RIN2: variants seen among roughly 807,000 people sequenced by gnomAD.
RIN2 encodes RAB5 interacting protein 2.
RIN2 carries 36 observed loss-of-function variants against 78.0 expected under a neutral mutation model. The ratio of observed to expected loss-of-function variants is 0.46; its 90% CI spans 0.35 to 0.61. The LOEUF (loss-of-function observed/expected upper bound fraction) is 0.61. Ranked by LOEUF, RIN2 falls within the 20% of genes least tolerant of loss-of-function variation. The pLI is 0.00. For missense variants in RIN2, 1,087 were observed against 1,159.7 expected (o/e 0.94, Z 0.91); for synonymous variants, 466 against 466.8 (o/e 1.00, Z 0.02).
At chr20:19,985,963 G>A (rs2042608776) in intron 9 of RIN2, among the ~76,000 whole-genome samples, 1 of 152,304 alleles carries the variant, frequency 6.6e-6, no homozygotes, top group Non-Finnish European at 1.5e-5. Flanking sequence ...TCCCTGGATG[G>A]AGTTTGTCTG....
intron 9 of RIN2, among the ~76,000 whole-genome samples, chr20:19,982,428 C>A (rs1039395725): frequency 2.6e-5 from 4 of 152,094 alleles, no homozygotes; most frequent in Non-Finnish European, 4.4e-5. Flanking sequence ...GCTGTCATGG[C>A]GGCCCTGGTG....
chr20:19,915,663 A>G (rs1419006765), intron 3 of RIN2, among the ~76,000 whole-genome samples: 1 of 152,224 alleles, frequency 6.6e-6, no homozygotes, highest in Non-Finnish European at 1.5e-5. Context: ...TTAGTGACTC[A>G]TCCCCTCAGA....
At chr20:19,792,471 G>A (rs1108388) in intron 1 of RIN2, among the ~76,000 whole-genome samples, 6 of 152,158 alleles carry the variant, frequency 3.9e-5, no homozygotes, top group Admixed American at 3.9e-4. Flanking sequence ...GTAATAGGAT[G>A]TAATGAGTGA....
At chr20:19,979,608 G>GT (rs1013556937) in intron 9 of RIN2, among the ~76,000 whole-genome samples, 18 of 151,770 alleles carry the variant, frequency 1.2e-4, no homozygotes, top group Non-Finnish European at 1.6e-4. Flanking sequence ...TCAGATCTGG[G>GT]TTTTTTTTGT....
At chr20:19,766,447 G>A (rs917337680) in intron 1 of RIN2, among the ~76,000 whole-genome samples, 7 of 152,124 alleles carry the variant, frequency 4.6e-5, no homozygotes, top group African/African-American at 1.7e-4. Context: ...CAGATTCAAG[G>A]TTGGTTCCCA....
At chr20:19,948,054 C>G (rs2041163725) in intron 4 of RIN2, among the ~76,000 whole-genome samples, 1 of 152,200 alleles carries the variant, frequency 6.6e-6, no homozygotes. Context: ...ACCCAGTCAT[C>G]CCAGTGTCTC....
chr20:19,922,865 C>T (rs890130676), intron 3 of RIN2, among the ~76,000 whole-genome samples: 3 of 152,176 alleles, frequency 2.0e-5, no homozygotes, highest in Non-Finnish European at 2.9e-5. Flanking sequence ...ACCTTTCACT[C>T]GCCTGTCTTT....
chr20:19,938,021 C>A (rs993191141), intron 4 of RIN2, among the ~76,000 whole-genome samples: 4 of 152,238 alleles, frequency 2.6e-5, no homozygotes, highest in Non-Finnish European at 5.9e-5. Context: ...CGTCGTCTGC[C>A]ATGGTCCATC....
At chr20:19,910,806 G>A (rs1234479111) in intron 3 of RIN2, among the ~76,000 whole-genome samples, 1 of 150,744 alleles carries the variant, frequency 6.6e-6, no homozygotes, top group African/African-American at 2.4e-5. Context: ...GACCTCAAGT[G>A]ATCCGCCTGC....
At chr20:19,964,874 A>C in intron 6 of RIN2, 78 bp from the exon 7 acceptor site, 1 of 1,221,648 alleles carries the variant, frequency 8.2e-7, no homozygotes, top group African/African-American at 1.5e-5. Flanking sequence ...ATGGTCCCAC[A>C]CACATGGTGT....
Position 19,996,823 on chromosome 20 carries a change from C to G in RIN2, c.2345C>G (p.Pro782Arg). 1 of 1,597,860 alleles carries G rather than the reference C, an allele frequency of 6.3e-7. No homozygotes were observed. The highest frequency in any genetic ancestry group is 8.5e-7 in the Non-Finnish European group (1 of 1,171,816). The change falls in exon 12 of 13, where the codon CCC (proline) becomes CGC (arginine). Residue 782 changes from proline (P) to arginine (R), a missense_variant. Physicochemically the swap from Pro to Arg is moderately radical, Grantham distance 103. Around this residue, in one of 8 missense-constraint regions of RIN2, gnomAD observed 160 missense variants for 179.4 expected, o/e 0.89. Coordinates refer to ENST00000255006, the MANE Select transcript of RIN2 (RefSeq NM_018993.4). ...HKRRTTNRTIPSVDDFQNYLR... is the reference protein window; with the variant it reads ...HKRRTTNRTIRSVDDFQNYLR... ...CGGAGAACCACCAACCGGACCATCC[C>G]CTCTGTGGACGACTTCCAGGTGTGC...
chr20:19,952,141 C>G (rs960391992), intron 4 of RIN2, among the ~76,000 whole-genome samples: 1 of 152,158 alleles, frequency 6.6e-6, no homozygotes, highest in Non-Finnish European at 1.5e-5. Context: ...GAATAGCCCC[C>G]CAGAGTTGTC....
intron 4 of RIN2, among the ~76,000 whole-genome samples, chr20:19,956,257 C>CAAAAAAAAAAAAAAAAAAAAAAAA (rs11483774): frequency 3.9e-5 from 2 of 50,708 alleles, no homozygotes; most frequent in African/African-American, 1.5e-4. Flanking sequence ...GACTCCATCT[C>CAAAAAAAAAAAAAAAAAAAAAAAA]AAAAAAAAAA....
At chr20:19,877,279 C>A (rs1281737238) in intron 2 of RIN2, among the ~76,000 whole-genome samples, 2 of 152,162 alleles carry the variant, frequency 1.3e-5, no homozygotes, top group Admixed American at 1.3e-4. Context: ...ATGCTGATTG[C>A]AGAGGGTTCA....
chr20:19,786,657 T>C (rs1029912565), intron 1 of RIN2, among the ~76,000 whole-genome samples: 1 of 151,842 alleles, frequency 6.6e-6, no homozygotes, highest in Non-Finnish European at 1.5e-5. Context: ...TGACTAGTTA[T>C]ATAGCAATAG....
chr20:19,966,904 C>T (rs1490672998), intron 7 of RIN2, among the ~76,000 whole-genome samples: 1 of 141,792 alleles, frequency 7.1e-6, no homozygotes, highest in Non-Finnish European at 1.5e-5. Context: ...CAGCCCCCAA[C>T]AGACACACAC....
chr20:19,781,720 G>A (rs148033135), intron 1 of RIN2, among the ~76,000 whole-genome samples: 11 of 152,124 alleles, frequency 7.2e-5, no homozygotes, highest in African/African-American at 2.4e-4. Context: ...GAGCCACAGC[G>A]CAAGGCCTAT....
chr20:19,934,478 G>A, intron 3 of RIN2: 1 of 985,156 alleles, frequency 1.0e-6, no homozygotes, highest in Non-Finnish European at 1.2e-6. Flanking sequence ...CCCCTAGATG[G>A]CCCTGGGGCC....
At chr20:19,989,702 C>G (rs2042735062) in intron 9 of RIN2, among the ~76,000 whole-genome samples, 1 of 152,200 alleles carries the variant, frequency 6.6e-6, no homozygotes, top group Non-Finnish European at 1.5e-5. Flanking sequence ...TGTCTTCTAG[C>G]ATATTTGCCT....
Sources: gnomAD v4.1 joint callset for allele counts (sites outside exome capture counted in the v4.1 genomes callset) on GRCh38, gnomAD v4.1.1 for gene constraint, gnomAD v4.1.1 regional missense constraint, MANE v1.5 for transcripts, NCBI Gene and HGNC (gene_info 2026-07-23, HGNC 2026-07-21) for gene names.